The following RANBP9 variants were observed in gnomAD, a reference collection of about 807,000 sequenced individuals.
The protein encoded by RANBP9 is ran-binding protein 9.
Under a neutral mutation model 84.3 loss-of-function variants are expected in RANBP9, and 15 were observed. The observed-to-expected ratio is 0.18, with a 90% CI of 0.12 to 0.27. The LOEUF is 0.27. Ranked by LOEUF, RANBP9 falls within the 10% of genes least tolerant of loss-of-function variation. RANBP9 has a pLI of 1.00. For synonymous variants in RANBP9, 392 were observed against 349.6 expected (o/e 1.12, Z -1.35); for missense variants, 809 against 912.8 (o/e 0.89, Z 1.46).
rs1766151048 is a variant in RANBP9 at position 13,685,481 on chromosome 6, G to A, written c.683+11304C>T. Among the ~76,000 whole-genome samples the A allele has an allele frequency of 2.6e-5, 4 of 152,138 alleles. No homozygotes were observed. In the South Asian group the frequency reaches 8.3e-4, roughly 32 times the overall value. On this transcript the variant is annotated intron_variant, in intron 2 of 13. Coordinates refer to ENST00000011619, the MANE Select transcript of RANBP9 (RefSeq NM_005493.3). The stretch of plus-strand genomic sequence containing the variant: ...CTAGCTACTCGAGTGGCTGAGGCAG[G>A]AGGATCACTTGAACCCAACAGTTTA...
chr6:13,633,723 A>G (rs1024256367), intron 11 of RANBP9, among the ~76,000 whole-genome samples: 4 of 152,206 alleles, frequency 2.6e-5, no homozygotes, highest in Non-Finnish European at 5.9e-5. Flanking sequence ...TTTAAAAAAC[A>G]ATTTTAGTAA....
rs550701345 is a variant in RANBP9 at position 13,635,630 on chromosome 6, AAAC to A, written c.1674-1081_1674-1079del. Reference sequence around the variant, plus strand: ...AAAATTGTTAAGGTAAAAAAAAAAAAAACAAGAGATCTAGGGAAAAGGGGGATA... The same window carrying A: ...AAAATTGTTAAGGTAAAAAAAAAAAAAAGAGATCTAGGGAAAAGGGGGATA... On this transcript the variant is annotated intron_variant, in intron 10 of 13. Transcript: ENST00000011619. 4.6e-3 allele frequency among the ~76,000 whole-genome samples: 705 copies of A among 151,884 alleles called. 7 individuals are homozygous for A. The highest frequency in any genetic ancestry group is 0.022 in the South Asian group (104 of 4,792).
In RANBP9 at chr6:13,634,947, T is replaced by C. The variant is rs1764899502; in HGVS notation, c.1674-395A>G. On this transcript the variant is annotated intron_variant, in intron 10 of 13. Transcript: ENST00000011619. ...CTACCCCCAGCACTGATTTCTAGTA[T>C]GTAAGGGGAAAACCTCACTCTCAAA... Among the ~76,000 whole-genome samples the C allele has an allele frequency of 3.3e-5, 5 of 152,156 alleles. No individual in the cohort carries two copies. In the South Asian group the frequency reaches 1.0e-3, roughly 32 times the overall value.
At chr6:13,652,067 C>G (rs1471145068) in intron 5 of RANBP9, among the ~76,000 whole-genome samples, 2 of 152,226 alleles carry the variant, frequency 1.3e-5, no homozygotes, top group Middle Eastern at 3.2e-3. Context: ...CAGCTCAAGT[C>G]TCACCTTGAG....
chr6:13,664,421 C>G (rs754633102), intron 2 of RANBP9, among the ~76,000 whole-genome samples: 1 of 151,792 alleles, frequency 6.6e-6, no homozygotes, highest in Non-Finnish European at 1.5e-5. Context: ...AAACTGATCA[C>G]AGAGTCAACA....
chr6:13,686,558 T>G (rs963054062), intron 2 of RANBP9, among the ~76,000 whole-genome samples: 3 of 151,998 alleles, frequency 2.0e-5, no homozygotes, highest in Admixed American at 2.0e-4. Context: ...GTGCCGGGAT[T>G]ACAGGCATGA....
At chr6:13,691,693 T>A (rs1766325339) in intron 2 of RANBP9, among the ~76,000 whole-genome samples, 1 of 152,072 alleles carries the variant, frequency 6.6e-6, no homozygotes. Context: ...TGAGACTGAG[T>A]CTCGCACAGT....
At chr6:13,688,834 T>C (rs1022598959) in intron 2 of RANBP9, among the ~76,000 whole-genome samples, 3 of 151,152 alleles carry the variant, frequency 2.0e-5, no homozygotes, top group Admixed American at 6.6e-5. Flanking sequence ...CTAAAGCAGG[T>C]ATCATATATC....
chr6:13,669,876 G>A (rs1296100688), intron 2 of RANBP9, among the ~76,000 whole-genome samples: 4 of 151,960 alleles, frequency 2.6e-5, no homozygotes, highest in Non-Finnish European at 4.4e-5. Context: ...TTACAGGTGT[G>A]AGCCACAGCA....
chr6:13,708,527 G>A (rs140632616), intron 1 of RANBP9, among the ~76,000 whole-genome samples: 3 of 152,068 alleles, frequency 2.0e-5, no homozygotes, highest in Admixed American at 1.3e-4. Context: ...GAAAATTCTC[G>A]TCACTCTGGA....
chr6:13,709,901 G>C (rs779476993), intron 1 of RANBP9, among the ~76,000 whole-genome samples: 4 of 152,190 alleles, frequency 2.6e-5, no homozygotes, highest in African/African-American at 7.2e-5. Flanking sequence ...GCCAATCAAA[G>C]TGAGGCTGCC....
At chr6:13,652,894 A>G (rs753456714) in intron 4 of RANBP9, among the ~76,000 whole-genome samples, 1 of 152,198 alleles carries the variant, frequency 6.6e-6, no homozygotes, top group Non-Finnish European at 1.5e-5. Flanking sequence ...CAGCCTTGCT[A>G]GTCATACACA....
chr6:13,673,771 G>A (rs1765826320), intron 2 of RANBP9, among the ~76,000 whole-genome samples: 1 of 152,096 alleles, frequency 6.6e-6, no homozygotes, highest in Non-Finnish European at 1.5e-5. Flanking sequence ...AAGAAAAATG[G>A]AATAATATAC....
intron 1 of RANBP9, among the ~76,000 whole-genome samples, chr6:13,704,946 C>T (rs1330123659): frequency 6.6e-6 from 1 of 152,150 alleles, no homozygotes; most frequent in Non-Finnish European, 1.5e-5. Flanking sequence ...ATTTCCCTTA[C>T]TACTCTATTT....
At chr6:13,702,276 C>G (rs1757993070) in intron 1 of RANBP9, among the ~76,000 whole-genome samples, 1 of 152,136 alleles carries the variant, frequency 6.6e-6, no homozygotes, top group Non-Finnish European at 1.5e-5. Flanking sequence ...AATCCCATCT[C>G]TACTAAAAAC....
chr6:13,650,166 G>GTTTTTTTTTTTTTTTTTTT (rs749352241), intron 5 of RANBP9, among the ~76,000 whole-genome samples: 1 of 130,858 alleles, frequency 7.6e-6, no homozygotes, highest in African/African-American at 2.8e-5. Context: ...GTGTTTTTTT[G>GTTTTTTTTTTTTTTTTTTT]TTTTTTTTTT....
intron 1 of RANBP9, among the ~76,000 whole-genome samples, chr6:13,704,241 G>A (rs1259641459): frequency 1.3e-5 from 2 of 152,146 alleles, no homozygotes; most frequent in South Asian, 2.1e-4. Context: ...TGACAAAAAT[G>A]AAGATATGAG....
intron 1 of RANBP9, among the ~76,000 whole-genome samples, chr6:13,708,817 ACT>A (rs1193244155): frequency 3.7e-4 from 53 of 142,722 alleles, no homozygotes; most frequent in African/African-American, 6.1e-4. Flanking sequence ...ACAACGGAAA[ACT>A]CACACACACA....
chr6:13,682,834 C>A (rs1309706922), intron 2 of RANBP9, among the ~76,000 whole-genome samples: 1 of 152,146 alleles, frequency 6.6e-6, no homozygotes, highest in Non-Finnish European at 1.5e-5. Flanking sequence ...AAATGAGAGA[C>A]TTTAAAACTG....
Sources: allele counts gnomAD v4.1 joint callset (sites outside exome capture counted in the v4.1 genomes callset), GRCh38; gene constraint gnomAD v4.1.1; transcripts MANE v1.5; gene names NCBI Gene and HGNC (gene_info 2026-07-23, HGNC 2026-07-21).